Variants in FAM135B observed in about 807,000 individuals in gnomAD.
The protein encoded by FAM135B is protein FAM135B.
A neutral mutation model predicts 127.7 loss-of-function variants in FAM135B; 43 were observed. The ratio of observed to expected loss-of-function variants is 0.34; its 90% confidence interval spans 0.26 to 0.43. The LOEUF is 0.43. Ranked by LOEUF, FAM135B falls within the 20% of genes least tolerant of loss-of-function variation. The pLI, the probability that FAM135B is intolerant of heterozygous loss-of-function variation, is 1.00. For synonymous variants in FAM135B, 670 were observed against 665.1 expected (o/e 1.01, Z -0.11); for missense variants, 1,558 against 1,725.6 (o/e 0.90, Z 1.72).
rs545309925 is a variant in FAM135B, at chr8:138,452,341, G to A, written c.-20+44330C>T. 1.1e-4 allele frequency among the ~76,000 whole-genome samples: 16 copies of A among 151,890 alleles called. No homozygotes were observed. The East Asian group carries it at 1.8e-3, about 17-fold the overall frequency. Reference sequence around the variant, plus strand: ...TCACCACGTTGGCCAGACTGGTCTCGAACTCCTGACCTCAGGTGATCCACC... The same window carrying A: ...TCACCACGTTGGCCAGACTGGTCTCAAACTCCTGACCTCAGGTGATCCACC... On this transcript the variant is annotated intron_variant, in intron 1 of 19. Transcript: ENST00000395297.
chr8:138,318,110 C>T (rs1827215065), intron 2 of FAM135B, among the ~76,000 whole-genome samples: 1 of 152,174 alleles, frequency 6.6e-6, no homozygotes, highest in Non-Finnish European at 1.5e-5. Context: ...CAGCCATGGC[C>T]ACAACGTTAG....
intron 2 of FAM135B, among the ~76,000 whole-genome samples, chr8:138,330,113 C>A (rs1019050701): frequency 3.3e-5 from 5 of 152,150 alleles, no homozygotes; most frequent in Admixed American, 6.6e-5. Context: ...TCACTCATAC[C>A]TTTTCCTGAC....
chr8:138,353,363 T>G (rs1243296762), intron 2 of FAM135B, among the ~76,000 whole-genome samples: 6 of 152,230 alleles, frequency 3.9e-5, no homozygotes, highest in African/African-American at 1.4e-4. Context: ...ACTCCTGAGC[T>G]GATATCAGGA....
Position 138,256,774 on chromosome 8 carries a change from A to G in FAM135B, c.298-15T>C, listed in dbSNP as rs377082450. 2 of 1,609,952 alleles carry G rather than the reference A, an allele frequency of 1.2e-6. No homozygotes were observed. The highest frequency in any genetic ancestry group is 1.7e-6 in the Non-Finnish European group (2 of 1,176,620). On this transcript the variant is annotated splice_polypyrimidine_tract_variant and intron_variant, in intron 4 of 19. Transcript: ENST00000395297. ...GCGTCTTCCATCTGCAAAAGAAACA[A>G]AGTCCAAGGGATTTCAGGAGTCAAA...
At chr8:138,218,499 T>C (rs531358706) in intron 7 of FAM135B, among the ~76,000 whole-genome samples, 10 of 152,264 alleles carry the variant, frequency 6.6e-5, no homozygotes, top group Middle Eastern at 3.4e-3. Flanking sequence ...TAATTTCCCT[T>C]AGAAAAGATT....
At chr8:138,473,448 C>T (rs931348507) in intron 1 of FAM135B, among the ~76,000 whole-genome samples, 17 of 152,114 alleles carry the variant, frequency 1.1e-4, no homozygotes, top group African/African-American at 4.1e-4. Context: ...CATCCTACTC[C>T]TTCCCACATA....
At chr8:138,181,134 G>A (rs778626431) in intron 9 of FAM135B, among the ~76,000 whole-genome samples, 11 of 151,994 alleles carry the variant, frequency 7.2e-5, no homozygotes, top group East Asian at 1.9e-4. Flanking sequence ...CCAGCTAATC[G>A]GGAGGCTGAG....
intron 1 of FAM135B, among the ~76,000 whole-genome samples, chr8:138,399,104 T>G (rs1457321566): frequency 6.6e-6 from 1 of 152,204 alleles, no homozygotes; most frequent in East Asian, 1.9e-4. Flanking sequence ...AGGGTTCTCA[T>G]AGCATTGCAT....
intron 2 of FAM135B, among the ~76,000 whole-genome samples, chr8:138,361,674 ATT>A (rs1830431634): frequency 6.6e-6 from 1 of 152,170 alleles, no homozygotes; most frequent in South Asian, 2.1e-4. Context: ...CAATAAATAA[ATT>A]CATAAATCCT....
intron 4 of FAM135B, among the ~76,000 whole-genome samples, chr8:138,263,630 A>G (rs1586915926): frequency 6.6e-6 from 1 of 152,210 alleles, no homozygotes; most frequent in Non-Finnish European, 1.5e-5. Flanking sequence ...GAAGGCTCCA[A>G]TGAGTGAGGT....
rs1554609001 is a variant in FAM135B, at chr8:138,148,472, G to C, written c.3448+48C>G. 18 of 1,465,484 alleles carry C rather than the reference G, an allele frequency of 1.2e-5. No homozygotes were observed. The South Asian group carries it at 2.1e-4, about 17-fold the overall frequency. The allele number at this position is 1,465,484 out of a possible 1,614,324, so 90.8% of individuals were successfully genotyped here. On this transcript the variant is annotated intron_variant, in intron 14 of 19. Coordinates refer to ENST00000395297, the MANE Select transcript of FAM135B (RefSeq NM_015912.4). The stretch of plus-strand genomic sequence containing the variant: ...CTAAATTAATACATAAATATTATAA[G>C]TTGTATATATGACAGAATTTGGGAA...
At chr8:138,456,536 T>C (rs1286310677) in intron 1 of FAM135B, among the ~76,000 whole-genome samples, 2 of 152,150 alleles carry the variant, frequency 1.3e-5, no homozygotes, top group Non-Finnish European at 2.9e-5. Flanking sequence ...AATGCTTCAG[T>C]GGGAAATCCC....
At chr8:138,491,077 G>T (rs1050087324) in intron 1 of FAM135B, among the ~76,000 whole-genome samples, 2 of 149,936 alleles carry the variant, frequency 1.3e-5, no homozygotes, top group African/African-American at 2.5e-5. Context: ...GGAAGTGGAG[G>T]TTGCAGTGAG....
intron 12 of FAM135B, among the ~76,000 whole-genome samples, chr8:138,159,385 A>G (rs1819128242): frequency 6.6e-6 from 1 of 151,324 alleles, no homozygotes. Flanking sequence ...CTGGATGAAG[A>G]AAATGTGGCA....
At position 138,266,184 on chromosome 8, in the gene FAM135B, C is replaced by T. The variant is rs935929688; in HGVS notation, c.158-342G>A. On this transcript the variant is annotated intron_variant, in intron 3 of 19. Coordinates refer to ENST00000395297, the MANE Select transcript of FAM135B (RefSeq NM_015912.4). ...CTGTGAAGCATTCCATAAACCTCCT[C>T]TCCCAGAAACAATGAGGAGAAGAAC... 1.9e-4 allele frequency among the ~76,000 whole-genome samples: 29 copies of T among 152,146 alleles called. 1 individual carries two copies. The highest frequency in any genetic ancestry group is 6.8e-4 in the African/African-American group (28 of 41,434).
chr8:138,293,759 T>C (rs56954864), intron 3 of FAM135B, among the ~76,000 whole-genome samples: 5,557 of 152,174 alleles, frequency 0.037, 240 homozygotes, highest in East Asian at 0.19. Context: ...GATGTTGGCA[T>C]GGATATGGTG....
At chr8:138,234,284 A>C (rs560734063) in intron 7 of FAM135B, among the ~76,000 whole-genome samples, 5 of 152,358 alleles carry the variant, frequency 3.3e-5, no homozygotes, top group Non-Finnish European at 5.9e-5. Context: ...AGAATAGTGC[A>C]GCCACTATGA....
chr8:138,147,616 T>C (rs932893755), intron 14 of FAM135B, among the ~76,000 whole-genome samples: 14 of 152,324 alleles, frequency 9.2e-5, no homozygotes, highest in East Asian at 1.9e-4. Context: ...CACCTTGAAC[T>C]AGAGAAGTCA....
At chr8:138,173,303 G>C (rs1399171332) in intron 11 of FAM135B, among the ~76,000 whole-genome samples, 1 of 152,122 alleles carries the variant, frequency 6.6e-6, no homozygotes, top group Admixed American at 6.5e-5. Context: ...TTCTGTTTTA[G>C]AGGTTCAAAA....
Sources: allele counts gnomAD v4.1 joint callset (sites outside exome capture counted in the v4.1 genomes callset), GRCh38; gene constraint gnomAD v4.1.1; transcripts MANE v1.5; gene names NCBI Gene and HGNC (gene_info 2026-07-23, HGNC 2026-07-21).